Variants in C7orf33 observed in about 807,000 individuals in gnomAD.
C7orf33 encodes the protein chromosome 7 open reading frame 33, also known as uncharacterized protein C7orf33.
C7orf33 carries 15 observed loss-of-function variants against 13.4 expected under a neutral mutation model. That is an observed-to-expected ratio of 1.12 (90% CI 0.75 to 1.72). The LOEUF (loss-of-function observed/expected upper bound fraction) is 1.72. Among genes scored for constraint, C7orf33 ranks in the 40% most tolerant of loss-of-function variants. The pLI is 0.00. For missense variants in C7orf33, 187 were observed against 220.3 expected (o/e 0.85, Z 0.96); for synonymous variants, 73 against 83.2 (o/e 0.88, Z 0.67).
chr7:148,598,770 A>AT (rs1796379616), intron 1 of C7orf33, among the ~76,000 whole-genome samples: 1 of 32,022 alleles, frequency 3.1e-5, no homozygotes, highest in Admixed American at 3.3e-4. Flanking sequence ...ATATAGAGAG[A>AT]GAGAGAGAGA....
chr7:148,593,992 GTTGT>G (rs1464566007), intron 1 of C7orf33, among the ~76,000 whole-genome samples: 2 of 151,722 alleles, frequency 1.3e-5, no homozygotes, highest in Non-Finnish European at 2.9e-5. Context: ...ACAAGATCGG[GTTGT>G]TTAAGTGTGT....
chr7:148,615,123 G>C (rs955096592), intron 2 of C7orf33, among the ~76,000 whole-genome samples: 1 of 152,118 alleles, frequency 6.6e-6, no homozygotes, highest in Non-Finnish European at 1.5e-5. Flanking sequence ...ATTTTTGGTA[G>C]AGAAGGGGTT....
At chr7:148,609,102 T>C (rs1796508271) in intron 1 of C7orf33, among the ~76,000 whole-genome samples, 1 of 90,594 alleles carries the variant, frequency 1.1e-5, no homozygotes, top group African/African-American at 4.9e-5. Flanking sequence ...GACGTTATTT[T>C]GAAAAAAAAA....
chr7:148,592,516 A>AT (rs11373127), intron 1 of C7orf33, among the ~76,000 whole-genome samples: 10,656 of 140,776 alleles, frequency 0.076, 1,208 homozygotes, highest in African/African-American at 0.25. Context: ...GGTAGATAGG[A>AT]TTTTTTTTTT....
intron 1 of C7orf33, among the ~76,000 whole-genome samples, chr7:148,591,885 G>A (rs924112089): frequency 1.3e-5 from 2 of 152,074 alleles, no homozygotes; most frequent in African/African-American, 4.8e-5. Context: ...TTAACTCTTT[G>A]CCTGTCTTTG....
intron 1 of C7orf33, among the ~76,000 whole-genome samples, chr7:148,599,801 C>T (rs934568412): frequency 2.0e-5 from 3 of 152,072 alleles, no homozygotes; most frequent in African/African-American, 7.2e-5. Flanking sequence ...TAAAGTCCAC[C>T]CTGGAATGTG....
chr7:148,595,070 AC>A (rs1348591012), intron 1 of C7orf33, among the ~76,000 whole-genome samples: 1 of 151,772 alleles, frequency 6.6e-6, no homozygotes, highest in Non-Finnish European at 1.5e-5. Context: ...CTGAATATTC[AC>A]CAGGTCAGGT....
At chr7:148,603,030 C>T (rs79756178) in intron 1 of C7orf33, among the ~76,000 whole-genome samples, 2,330 of 152,172 alleles carry the variant, frequency 0.015, 43 homozygotes, top group Non-Finnish European at 0.021. Context: ...AAAAGCCTGT[C>T]AACATCATCA....
Position 148,614,081 on chromosome 7 carries a change from T to A in C7orf33, c.244T>A (p.Phe82Ile), listed in dbSNP as rs1363658582. ...PHQNMNRGME[F>I]IAPVSAPTKS... is the part of the protein sequence containing the mutation. Reference sequence around the variant, plus strand: ...CCAAAACATGAACCGGGGGATGGAATTTATTGCTCCTGTATCAGCTCCCAC... The same window carrying A: ...CCAAAACATGAACCGGGGGATGGAAATTATTGCTCCTGTATCAGCTCCCAC... Residue 82 changes from phenylalanine (F) to isoleucine (I), a missense_variant, in exon 2 of 3, where the codon TTT (phenylalanine) becomes ATT (isoleucine). Physicochemically the swap from Phe to Ile is conservative, Grantham distance 21. Coordinates refer to ENST00000307003, the MANE Select transcript of C7orf33 (RefSeq NM_145304.4). 1 of 1,614,076 alleles carries A rather than the reference T, an allele frequency of 6.2e-7. No homozygotes were observed. Among genetic ancestry groups the A allele is most frequent in the African/African-American group, 1.3e-5 (1 of 74,924 alleles).
intron 1 of C7orf33, among the ~76,000 whole-genome samples, chr7:148,608,643 CG>C (rs1214078549): frequency 6.6e-6 from 1 of 151,812 alleles, no homozygotes; most frequent in East Asian, 1.9e-4. Flanking sequence ...GGAGAAACCC[CG>C]TCTCTACTAA....
At chr7:148,601,739 G>T (rs1005444389) in intron 1 of C7orf33, among the ~76,000 whole-genome samples, 1 of 151,930 alleles carries the variant, frequency 6.6e-6, no homozygotes, top group Non-Finnish European at 1.5e-5. Flanking sequence ...TGTTTGTTTT[G>T]TGGGGTTTTT....
At chr7:148,595,354 G>T (rs1796318355) in intron 1 of C7orf33, among the ~76,000 whole-genome samples, 1 of 132,264 alleles carries the variant, frequency 7.6e-6, no homozygotes, top group African/African-American at 2.9e-5. Flanking sequence ...ATATTATATA[G>T]ATATATCAAA....
chr7:148,615,416 C>T lies in C7orf33; in HGVS notation c.*15C>T. On this transcript the variant is annotated 3_prime_UTR_variant, in exon 3 of 3. Transcript: ENST00000307003. ...ACAGCAGTTAAGAATTTTGCAGAAT[C>T]TAAGAGTCACATCTCTAAATTTGTG... 2.0e-6 allele frequency: 3 copies of T among 1,532,048 alleles called. No individual in the cohort carries two copies. Among genetic ancestry groups the T allele is most frequent in the Non-Finnish European group, 2.7e-6 (3 of 1,105,304 alleles). 94.9% of individuals were successfully genotyped at this position (1,532,048 alleles called of 1,614,324 possible). A position where few individuals can be genotyped will look rare whatever the true frequency, so the allele number is the denominator to read the frequency against.
At position 148,591,139 on chromosome 7, in the gene C7orf33, TGATTCTAA is replaced by T. The variant is rs1796264713; in HGVS notation, c.204+14_204+21del. 6.2e-7 allele frequency: 1 copy of T among 1,605,448 alleles called. No homozygotes were observed. The highest frequency in any genetic ancestry group is 1.7e-5 in the Admixed American group (1 of 59,828). On this transcript the variant is annotated intron_variant, in intron 1 of 2. Coordinates refer to ENST00000307003, the MANE Select transcript of C7orf33 (RefSeq NM_145304.4). ...CACGGGAAGACATAAGGTAAGTTAATGATTCTAAGATGAATCAACTGCTCTTTGAGTCA... is the reference window on the plus strand; with the variant it reads ...CACGGGAAGACATAAGGTAAGTTAATGATGAATCAACTGCTCTTTGAGTCA...
At chr7:148,593,130 A>G (rs903161155) in intron 1 of C7orf33, among the ~76,000 whole-genome samples, 1 of 152,128 alleles carries the variant, frequency 6.6e-6, no homozygotes, top group Non-Finnish European at 1.5e-5. Flanking sequence ...ATGAGCCAAC[A>G]TGCCTGGCCG....
At chr7:148,609,908 T>G (rs1796515924) in intron 1 of C7orf33, among the ~76,000 whole-genome samples, 1 of 152,086 alleles carries the variant, frequency 6.6e-6, no homozygotes, top group Non-Finnish European at 1.5e-5. Context: ...AGTAGGAGCT[T>G]GAAATGGCTA....
At chr7:148,611,206 C>G (rs558073515) in intron 1 of C7orf33, among the ~76,000 whole-genome samples, 1 of 152,246 alleles carries the variant, frequency 6.6e-6, no homozygotes, top group Non-Finnish European at 1.5e-5. Flanking sequence ...AGGGCCAGGT[C>G]CCTGGTGAGG....
intron 1 of C7orf33, among the ~76,000 whole-genome samples, chr7:148,593,532 T>G (rs1306557296): frequency 6.6e-6 from 1 of 152,162 alleles, no homozygotes; most frequent in East Asian, 1.9e-4. Flanking sequence ...CCCAAAGTGC[T>G]GGGATTACAG....
chr7:148,606,493 T>C (rs981341112), intron 1 of C7orf33, among the ~76,000 whole-genome samples: 2 of 152,118 alleles, frequency 1.3e-5, no homozygotes, highest in Admixed American at 6.6e-5. Flanking sequence ...GAAACATTGA[T>C]ATTACAAACA....
Sources: gnomAD v4.1 joint callset for allele counts (sites outside exome capture counted in the v4.1 genomes callset) on GRCh38, gnomAD v4.1.1 for gene constraint, MANE v1.5 for transcripts, NCBI Gene and HGNC (gene_info 2026-07-23, HGNC 2026-07-21) for gene names.